REPS2: variants seen among roughly 807,000 people sequenced by gnomAD.
REPS2 encodes the protein ralBP1-associated Eps domain-containing protein 2.
REPS2 carries 23 observed loss-of-function variants against 53.6 expected under a neutral mutation model. The observed-to-expected ratio is 0.43, with a 90% CI of 0.31 to 0.61. The LOEUF (loss-of-function observed/expected upper bound fraction) is 0.61, where lower values mean the gene tolerates loss of function less well. REPS2 is among the 20% of genes least tolerant of loss of function. The pLI, the probability that REPS2 is intolerant of heterozygous loss-of-function variation, is 0.11. For synonymous variants in REPS2, 238 were observed against 218.6 expected (o/e 1.09, Z -0.78); for missense variants, 446 against 534.9 (o/e 0.83, Z 1.64).
chrX:16,978,384 A>G, intron 1 of REPS2, among the ~76,000 whole-genome samples: 1 of 112,487 alleles, frequency 8.9e-6, no homozygotes, highest in Non-Finnish European at 1.9e-5. Context: ...GCTAATAATA[A>G]TAAGTTGAAA....
the REPS2 span, among the ~76,000 whole-genome samples, chrX:17,192,175 C>T: frequency 1.8e-5 from 2 of 112,405 alleles, no homozygotes; most frequent in African/African-American, 3.2e-5. Context: ...ATTCTGCCCC[C>T]GACCGCCGAT....
chrX:17,154,922 G>T (rs1490165879), downstream of REPS2, among the ~76,000 whole-genome samples: 3 of 111,582 alleles, frequency 2.7e-5, no homozygotes, highest in Non-Finnish European at 5.6e-5. Context: ...AAGGCTTCAT[G>T]GAATAGTCTT....
At chrX:16,995,695 T>A (rs2061226028) in intron 1 of REPS2, among the ~76,000 whole-genome samples, 1 of 111,561 alleles carries the variant, frequency 9.0e-6, no homozygotes, top group African/African-American at 3.3e-5. Context: ...CCCAATCCAG[T>A]TGTTAAAATA....
chrX:16,982,718 C>G (rs1184889216), intron 1 of REPS2, among the ~76,000 whole-genome samples: 2 of 111,903 alleles, frequency 1.8e-5, no homozygotes, highest in South Asian at 7.4e-4. Flanking sequence ...GTGATGTGTG[C>G]CTTCTTCCAG....
intron 13 of REPS2, among the ~76,000 whole-genome samples, chrX:17,095,276 A>G (rs2062680833): frequency 2.7e-5 from 3 of 111,810 alleles, no homozygotes; most frequent in Non-Finnish European, 3.8e-5. Flanking sequence ...TCTGGAACAC[A>G]TTCTCCTAAT....
At chrX:17,085,088 C>T (rs113072688) in intron 13 of REPS2, among the ~76,000 whole-genome samples, 2,799 of 111,904 alleles carry the variant, frequency 0.025, 93 homozygotes, top group African/African-American at 0.087. Flanking sequence ...CATTTTTCTG[C>T]ATGTGGATAT....
chrX:17,187,744 G>T, the REPS2 span, among the ~76,000 whole-genome samples: 1 of 111,830 alleles, frequency 8.9e-6, no homozygotes, highest in Non-Finnish European at 1.9e-5. Context: ...CTTTCAGCAG[G>T]GCTTCCAGCC....
chrX:16,947,128 G>T lies in REPS2; in HGVS notation c.267G>T (p.Leu89=), dbSNP rs1399344889. Residue 89 remains leucine (L), a synonymous_variant, in exon 1 of 18, where the codon CTG becomes CTT. Transcript: ENST00000357277. ...CATCGCAGCTGCCCGCCGAGACGCT[G>T]CACCAGGTGGGTCCCTCCGCCTCCT... The part of the protein sequence containing the change: ...FRASQLPAET[L]HQITELCGAK... 9.2e-7 allele frequency: 1 copy of T among 1,085,480 alleles called. No homozygotes were observed. Among genetic ancestry groups the T allele is most frequent in the Admixed American group, 3.1e-5 (1 of 31,937 alleles). The allele number at this position is 1,085,480 out of a possible 1,213,427, so 89.5% of individuals were successfully genotyped here. A position where few individuals can be genotyped will look rare whatever the true frequency, so the allele number is the denominator to read the frequency against.
At chrX:17,027,220 C>G (rs945625363) in intron 4 of REPS2, among the ~76,000 whole-genome samples, 3 of 111,731 alleles carry the variant, frequency 2.7e-5, no homozygotes, top group Non-Finnish European at 5.6e-5. Flanking sequence ...CTCCCTGCCC[C>G]CTAACGCAAT....
chrX:16,950,961 G>C (rs2060497817), intron 1 of REPS2, among the ~76,000 whole-genome samples: 1 of 112,205 alleles, frequency 8.9e-6, no homozygotes, highest in African/African-American at 3.2e-5. Flanking sequence ...CAGGAGAATT[G>C]CTTGAGCCCA....
rs1312854822 is a variant in REPS2 at position 17,047,408 on chromosome X, T to C, written c.833T>C (p.Ile278Thr). The C allele has an allele frequency of 2.5e-6, 3 of 1,209,370 alleles. No homozygotes were observed. In the Admixed American group the frequency reaches 6.6e-5, roughly 26 times the overall value. Reference protein sequence around the residue: ...NSSYPDEPWRITEEQREYYVN... With the variant: ...NSSYPDEPWRTTEEQREYYVN... The stretch of plus-strand genomic sequence containing the variant: ...AGTTACCCCGACGAACCCTGGAGGA[T>C]AACAGAAGAACAGCGCGAGTACTAT... The change falls in exon 6 of 18, where the codon ATA becomes ACA. Residue 278 changes from isoleucine to threonine, a missense_variant. By Grantham distance (89) the Ile-to-Thr change is moderately conservative. Transcript: ENST00000357277.
chrX:17,139,073 A>G (rs1353566857), intron 17 of REPS2, 112 bp downstream of exon 17: 1 of 456,072 alleles, frequency 2.2e-6, no homozygotes, highest in Non-Finnish European at 3.7e-6. Flanking sequence ...GGTGGGGTAC[A>G]TAGTGATGTC....
intron 1 of REPS2, among the ~76,000 whole-genome samples, chrX:16,989,480 T>C (rs1013267971): frequency 8.9e-6 from 1 of 111,826 alleles, no homozygotes; most frequent in Admixed American, 9.5e-5. Flanking sequence ...GAGAAAGACC[T>C]CATAAGAGGA....
chrX:17,004,349 A>G (rs931614086), intron 1 of REPS2, among the ~76,000 whole-genome samples: 1 of 109,432 alleles, frequency 9.1e-6, no homozygotes, highest in African/African-American at 3.3e-5. Flanking sequence ...CAGCTTTTCC[A>G]TGGAGATTTT....
intron 15 of REPS2, 95 bp downstream of exon 15, chrX:17,134,002 T>C (rs1375005005): frequency 1.6e-6 from 1 of 626,513 alleles, no homozygotes; most frequent in African/African-American, 2.2e-5. Flanking sequence ...AAGGTTTCTG[T>C]GTCCTGAAAT....
intron 1 of REPS2, among the ~76,000 whole-genome samples, chrX:16,994,293 A>ATG (rs1226654352): frequency 9.0e-6 from 1 of 111,576 alleles, no homozygotes; most frequent in Non-Finnish European, 1.9e-5. Flanking sequence ...TATATTTTAT[A>ATG]TGTGTGTGTG....
intron 12 of REPS2, 70 bp from the exon 13 acceptor site, chrX:17,077,200 TC>T (rs1387165034): frequency 8.7e-5 from 92 of 1,059,955 alleles, no homozygotes; most frequent in Non-Finnish European, 1.1e-4. Flanking sequence ...GTGGGTATTT[TC>T]CATTTCACCC....
chrX:17,065,294 C>T (rs1286546153), intron 9 of REPS2, among the ~76,000 whole-genome samples: 2 of 112,235 alleles, frequency 1.8e-5, no homozygotes, highest in African/African-American at 6.5e-5. Flanking sequence ...TTATTGTCTG[C>T]CTTTTTGATT....
At chrX:17,001,162 A>G (rs909414908) in intron 1 of REPS2, among the ~76,000 whole-genome samples, 1 of 112,706 alleles carries the variant, frequency 8.9e-6, no homozygotes, top group Admixed American at 9.4e-5. Context: ...TGATTTAGCT[A>G]GACTTACCTA....
Sources: gnomAD v4.1 joint callset for allele counts (sites outside exome capture counted in the v4.1 genomes callset) on GRCh38, gnomAD v4.1.1 for gene constraint, MANE v1.5 for transcripts, NCBI Gene and HGNC (gene_info 2026-07-23, HGNC 2026-07-21) for gene names.